Variants in NKAIN2 observed in about 807,000 individuals in gnomAD.
The protein encoded by NKAIN2 is sodium/potassium-transporting ATPase subunit beta-1-interacting protein 2.
NKAIN2 carries 14 observed loss-of-function variants against 32.6 expected under a neutral mutation model. The ratio of observed to expected loss-of-function variants is 0.43; its 90% CI spans 0.28 to 0.67. NKAIN2 has a LOEUF of 0.67. Ranked by LOEUF, NKAIN2 falls within the 30% of genes least tolerant of loss-of-function variation. NKAIN2 has a pLI of 0.17. For synonymous variants in NKAIN2, 80 were observed against 87.2 expected, an observed-to-expected ratio of 0.92 and a Z score of 0.46; for missense variants, 198 against 258.3, an observed-to-expected ratio of 0.77 and a Z score of 1.60.
chr6:123,810,473 G>A (rs1402944692), intron 1 of NKAIN2, among the ~76,000 whole-genome samples: 6 of 152,094 alleles, frequency 3.9e-5, no homozygotes, highest in Non-Finnish European at 7.3e-5. Context: ...ATGAGCAGCT[G>A]GTGTATGGAC....
At chr6:124,761,576 C>G (rs1778268856) in intron 4 of NKAIN2, among the ~76,000 whole-genome samples, 1 of 152,242 alleles carries the variant, frequency 6.6e-6, no homozygotes, top group Non-Finnish European at 1.5e-5. Context: ...AAATAGAATA[C>G]TATAATGCCA....
At chr6:124,185,654 A>C (rs1377091901) in intron 1 of NKAIN2, among the ~76,000 whole-genome samples, 1 of 152,196 alleles carries the variant, frequency 6.6e-6, no homozygotes, top group African/African-American at 2.4e-5. Context: ...TACTTCATGA[A>C]ATAGCATTTT....
intron 1 of NKAIN2, among the ~76,000 whole-genome samples, chr6:124,127,521 T>G (rs1786233336): frequency 2.6e-5 from 4 of 152,194 alleles, no homozygotes; most frequent in Admixed American, 2.6e-4. Context: ...TTTCATGTCT[T>G]CTTTGTTTTT....
At chr6:123,816,428 G>A (rs1465608523) in intron 1 of NKAIN2, among the ~76,000 whole-genome samples, 1 of 152,164 alleles carries the variant, frequency 6.6e-6, no homozygotes, top group Admixed American at 6.5e-5. Context: ...TGTGGGGAAT[G>A]TGAGGGCAAA....
At position 124,321,720 on chromosome 6, in the gene NKAIN2, T is replaced by G. The variant is rs199744911; in HGVS notation, c.193-33547T>G. On this transcript the variant is annotated intron_variant, in intron 2 of 6. Transcript: ENST00000368417. ...ACCTGAGCTCTGGATGGCTAAGTGA[T>G]TCACAGGCTTGCAGTTCATCCCTGG... is the stretch of plus-strand genomic sequence containing the variant. Among the ~76,000 whole-genome samples the G allele has an allele frequency of 3.3e-5, 5 of 152,260 alleles. No homozygotes were observed. In the East Asian group the frequency reaches 7.7e-4, roughly 24 times the overall value.
chr6:124,682,824 A>G (rs1773686928), intron 4 of NKAIN2, among the ~76,000 whole-genome samples: 1 of 152,130 alleles, frequency 6.6e-6, no homozygotes, highest in Non-Finnish European at 1.5e-5. Context: ...GATTAATGGA[A>G]TCACTTCAAT....
intron 3 of NKAIN2, among the ~76,000 whole-genome samples, chr6:124,443,360 T>A (rs1019537373): frequency 5.9e-5 from 9 of 152,142 alleles, no homozygotes; most frequent in Non-Finnish European, 8.8e-5. Flanking sequence ...AGACTATATT[T>A]TGACATAAGA....
chr6:124,689,526 G>C (rs544743478), intron 4 of NKAIN2, among the ~76,000 whole-genome samples: 1 of 152,110 alleles, frequency 6.6e-6, no homozygotes, highest in African/African-American at 2.4e-5. Flanking sequence ...TGTCTAAAAA[G>C]TCATCACCAA....
At chr6:124,496,267 G>A (rs1778060262) in intron 3 of NKAIN2, among the ~76,000 whole-genome samples, 1 of 152,114 alleles carries the variant, frequency 6.6e-6, no homozygotes. Flanking sequence ...ACATTCCCAA[G>A]TGCTTTCACA....
At chr6:124,384,808 T>C (rs1274537715) in intron 3 of NKAIN2, among the ~76,000 whole-genome samples, 2 of 152,190 alleles carry the variant, frequency 1.3e-5, no homozygotes, top group African/African-American at 4.8e-5. Context: ...TTGTATTTTT[T>C]TGCGGGGTTT....
chr6:124,663,286 C>A (rs1485786472), intron 4 of NKAIN2, among the ~76,000 whole-genome samples: 1 of 151,892 alleles, frequency 6.6e-6, no homozygotes, highest in South Asian at 2.1e-4. Context: ...AAAAAAATAG[C>A]CAGGTGTGGT....
At chr6:124,089,396 T>G (rs1784326348) in intron 1 of NKAIN2, among the ~76,000 whole-genome samples, 1 of 151,912 alleles carries the variant, frequency 6.6e-6, no homozygotes, top group Non-Finnish European at 1.5e-5. Flanking sequence ...CTCTTCTTTC[T>G]TTTGGTTTGT....
chr6:124,338,459 A>G (rs1797973584), intron 2 of NKAIN2, among the ~76,000 whole-genome samples: 1 of 152,178 alleles, frequency 6.6e-6, no homozygotes, highest in African/African-American at 2.4e-5. Context: ...ACACCGTCAT[A>G]CTGATGATGA....
intron 1 of NKAIN2, among the ~76,000 whole-genome samples, chr6:123,878,234 A>G (rs1322200214): frequency 3.9e-5 from 6 of 151,926 alleles, no homozygotes; most frequent in Non-Finnish European, 8.8e-5. Flanking sequence ...CTCAAAAAAA[A>G]AAATTGTAAT....
intron 1 of NKAIN2, among the ~76,000 whole-genome samples, chr6:123,936,957 AAAACTG>A (rs539321576): frequency 1.7e-4 from 26 of 152,278 alleles, no homozygotes; most frequent in East Asian, 1.2e-3. Context: ...GCCATAAGTA[AAAACTG>A]AAACCTAATT....
chr6:124,326,440 A>G (rs1351056688), intron 2 of NKAIN2, among the ~76,000 whole-genome samples: 2 of 152,090 alleles, frequency 1.3e-5, no homozygotes, highest in East Asian at 3.9e-4. Flanking sequence ...GAACACCTCA[A>G]ATTATAGCCT....
chr6:124,329,328 G>T (rs1797555602), intron 2 of NKAIN2, among the ~76,000 whole-genome samples: 1 of 152,186 alleles, frequency 6.6e-6, no homozygotes, highest in African/African-American at 2.4e-5. Flanking sequence ...ACCCAATGAT[G>T]ATCAGGATCT....
chr6:124,798,262 A>T (rs1780101427), intron 5 of NKAIN2, among the ~76,000 whole-genome samples: 1 of 152,200 alleles, frequency 6.6e-6, no homozygotes, highest in Non-Finnish European at 1.5e-5. Flanking sequence ...CTTGGGTGCC[A>T]GGTTGACAGG....
chr6:124,269,625 A>C (rs559539275), intron 1 of NKAIN2, among the ~76,000 whole-genome samples: 2 of 151,680 alleles, frequency 1.3e-5, no homozygotes, highest in African/African-American at 4.8e-5. Context: ...CTGCCACCAC[A>C]TTTGGCTAAT....
Sources: gnomAD v4.1 joint callset for allele counts (sites outside exome capture counted in the v4.1 genomes callset) on GRCh38, gnomAD v4.1.1 for gene constraint, MANE v1.5 for transcripts, NCBI Gene and HGNC (gene_info 2026-07-23, HGNC 2026-07-21) for gene names.